The following NIPBL variants were observed in gnomAD, a reference collection of about 807,000 sequenced individuals.
NIPBL encodes the protein nipped-B-like protein.
NIPBL carries 19 observed loss-of-function variants against 321.8 expected under a neutral mutation model. The ratio of observed to expected loss-of-function variants is 0.06; its 90% CI spans 0.04 to 0.09. The LOEUF is 0.09. Ranked by LOEUF, NIPBL falls within the 10% of genes least tolerant of loss-of-function variation. The pLI, the probability that NIPBL is intolerant of heterozygous loss-of-function variation, is 1.00. For missense variants in NIPBL, 2,210 were observed against 3,327.0 expected, an observed-to-expected ratio of 0.66 and a Z score of 8.26; for synonymous variants, 1,106 against 1,114.1, an observed-to-expected ratio of 0.99 and a Z score of 0.14.
At chr5:37,024,438 G>T (rs1750030500) in intron 29 of NIPBL, 147 bp from the exon 30 acceptor site, 1 of 581,158 alleles carries the variant, frequency 1.7e-6, no homozygotes. Context: ...ATTTATAGTA[G>T]CAGAAAGCAT....
intron 1 of NIPBL, among the ~76,000 whole-genome samples, chr5:36,887,410 C>G (rs1464749077): frequency 6.6e-6 from 1 of 152,202 alleles, no homozygotes; most frequent in East Asian, 1.9e-4. Context: ...GTCACAGCCT[C>G]TCTTCCAATG....
intron 24 of NIPBL, among the ~76,000 whole-genome samples, chr5:37,018,118 C>G (rs1356740308): frequency 6.6e-6 from 1 of 152,102 alleles, no homozygotes; most frequent in Non-Finnish European, 1.5e-5. Flanking sequence ...AGTACAAATT[C>G]TTAGGACCCT....
At chr5:36,987,890 T>C (rs1228553915) in intron 10 of NIPBL, among the ~76,000 whole-genome samples, 1 of 152,202 alleles carries the variant, frequency 6.6e-6, no homozygotes, top group Non-Finnish European at 1.5e-5. Flanking sequence ...ACAATTGTTT[T>C]CTTTTAGGTA....
chr5:36,978,314 A>G lies in NIPBL; in HGVS notation c.1495+1912A>G, dbSNP rs560503914. Among the ~76,000 whole-genome samples the G allele has an allele frequency of 5.9e-5, 9 of 152,110 alleles. 1 individual carries two copies. The South Asian group carries it at 1.9e-3, about 32-fold the overall frequency. ...TCTGACTGGTGTAAGATTGTATCTC[A>G]TTGTGGTTTAATTTGCATTTCTCTG... On this transcript the variant is annotated intron_variant, in intron 9 of 46. Transcript: ENST00000282516.
intron 11 of NIPBL, among the ~76,000 whole-genome samples, chr5:36,998,427 A>G (rs1164083526): frequency 6.6e-6 from 1 of 152,152 alleles, no homozygotes; most frequent in Non-Finnish European, 1.5e-5. Flanking sequence ...TTCTTCAAGC[A>G]TTTTCTACTC....
intron 1 of NIPBL, among the ~76,000 whole-genome samples, chr5:36,912,468 G>A (rs1748118641): frequency 6.6e-6 from 1 of 151,888 alleles, no homozygotes; most frequent in African/African-American, 2.4e-5. Flanking sequence ...AGTAAGAGTG[G>A]CTAGAGTTTG....
intron 1 of NIPBL, among the ~76,000 whole-genome samples, chr5:36,942,386 C>T (rs984142536): frequency 8.3e-5 from 11 of 131,860 alleles, no homozygotes; most frequent in South Asian, 2.6e-4. Flanking sequence ...GAGCTAAGAT[C>T]GTGCCACTGC....
chr5:36,896,103 T>C (rs1312135804), intron 1 of NIPBL, among the ~76,000 whole-genome samples: 1 of 152,234 alleles, frequency 6.6e-6, no homozygotes, highest in Admixed American at 6.5e-5. Flanking sequence ...AGTTAATCTT[T>C]TTCATAAGGT....
chr5:37,017,970 A>T (rs1345435007), intron 24 of NIPBL, among the ~76,000 whole-genome samples: 1 of 152,070 alleles, frequency 6.6e-6, no homozygotes, highest in African/African-American at 2.4e-5. Flanking sequence ...GTTTCGAACC[A>T]CTTGAAGTTA....
chr5:37,049,065 G>A (rs753794820), intron 39 of NIPBL, 46 bp from the exon 40 acceptor site: 2 of 1,582,984 alleles, frequency 1.3e-6, no homozygotes, highest in African/African-American at 2.7e-5. Flanking sequence ...AGTAAAGTTA[G>A]TATAGGTGCT....
At chr5:37,020,315 T>C (rs1749479614) in intron 25 of NIPBL, 144 bp from the exon 26 acceptor site, 1 of 669,796 alleles carries the variant, frequency 1.5e-6, no homozygotes, top group Admixed American at 2.7e-5. Context: ...TCTGGCTTTC[T>C]TAAAATCTGT....
intron 1 of NIPBL, among the ~76,000 whole-genome samples, chr5:36,892,440 A>G (rs568954085): frequency 8.5e-5 from 13 of 152,344 alleles, no homozygotes; most frequent in Middle Eastern, 3.4e-3. Flanking sequence ...ATTACTGGCT[A>G]TATACCCAAA....
chr5:36,975,244 G>A (rs540998458), intron 8 of NIPBL, among the ~76,000 whole-genome samples: 9 of 152,160 alleles, frequency 5.9e-5, no homozygotes, highest in African/African-American at 2.2e-4. Context: ...GTAAGTAAAG[G>A]CTCTAGTAAT....
intron 34 of NIPBL, among the ~76,000 whole-genome samples, chr5:37,039,867 A>G (rs1351391002): frequency 6.6e-6 from 1 of 152,158 alleles, no homozygotes; most frequent in Non-Finnish European, 1.5e-5. Context: ...CACTAATTCT[A>G]TCTTTAGGGT....
At chr5:36,968,021 G>A (rs1742400567) in intron 6 of NIPBL, among the ~76,000 whole-genome samples, 1 of 150,648 alleles carries the variant, frequency 6.6e-6, no homozygotes, top group Admixed American at 6.6e-5. Flanking sequence ...GCTTGAGCCT[G>A]GGAGGCAGAG....
chr5:37,056,285 G>A (rs1334085835), intron 42 of NIPBL, among the ~76,000 whole-genome samples: 1 of 152,098 alleles, frequency 6.6e-6, no homozygotes, highest in East Asian at 1.9e-4. Flanking sequence ...CTGTGCTATG[G>A]GATCTTGCTG....
intron 1 of NIPBL, among the ~76,000 whole-genome samples, chr5:36,887,011 C>G (rs1452957781): frequency 6.6e-6 from 1 of 151,924 alleles, no homozygotes; most frequent in African/African-American, 2.4e-5. Flanking sequence ...AAAAATAGTA[C>G]TTTGAACAGT....
At chr5:36,970,411 C>A (rs1580358482) in intron 6 of NIPBL, among the ~76,000 whole-genome samples, 1 of 143,584 alleles carries the variant, frequency 7.0e-6, no homozygotes, top group South Asian at 2.2e-4. Context: ...GAATTTAAAA[C>A]TATATATATA....
chr5:36,966,237 C>G (rs1742191594), intron 6 of NIPBL, among the ~76,000 whole-genome samples: 1 of 152,064 alleles, frequency 6.6e-6, no homozygotes, highest in South Asian at 2.1e-4. Flanking sequence ...AGCAATCTTA[C>G]ACCTTTTTCA....
Sources: gnomAD v4.1 joint callset for allele counts (sites outside exome capture counted in the v4.1 genomes callset) on GRCh38, gnomAD v4.1.1 for gene constraint, MANE v1.5 for transcripts, NCBI Gene and HGNC (gene_info 2026-07-23, HGNC 2026-07-21) for gene names.